Variants in DLGAP2 observed in about 807,000 individuals in gnomAD.
DLGAP2 encodes the protein disks large-associated protein 2.
A neutral mutation model predicts 100.3 loss-of-function variants in DLGAP2; 26 were observed. That is an observed-to-expected ratio of 0.26 (90% CI 0.19 to 0.36). The LOEUF (loss-of-function observed/expected upper bound fraction) is 0.36, where lower values mean the gene tolerates loss of function less well. Ranked by LOEUF, DLGAP2 falls within the 10% of genes least tolerant of loss-of-function variation. DLGAP2 has a pLI of 1.00. For missense variants in DLGAP2, 1,858 were observed against 1,453.2 expected (o/e 1.28, Z -4.53); for synonymous variants, 886 against 630.1 (o/e 1.41, Z -6.08).
At chr8:780,495 G>T (rs1488547192) in intron 1 of DLGAP2, among the ~76,000 whole-genome samples, 1 of 152,140 alleles carries the variant, frequency 6.6e-6, no homozygotes, top group Non-Finnish European at 1.5e-5. Flanking sequence ...CCCAGAAGTG[G>T]GATTGCTGGG....
chr8:772,561 G>A (rs1821392542), intron 1 of DLGAP2, among the ~76,000 whole-genome samples: 1 of 152,140 alleles, frequency 6.6e-6, no homozygotes. Flanking sequence ...CGCCTCAGGT[G>A]GTCTGCCTGC....
chr8:1,065,302 G>A (rs1803211728), intron 2 of DLGAP2, among the ~76,000 whole-genome samples: 1 of 152,178 alleles, frequency 6.6e-6, no homozygotes, highest in African/African-American at 2.4e-5. Flanking sequence ...GATAACAACT[G>A]GCAGTAAAAT....
intron 6 of DLGAP2, among the ~76,000 whole-genome samples, chr8:1,594,777 A>G (rs1049113662): frequency 5.3e-5 from 8 of 152,112 alleles, no homozygotes; most frequent in African/African-American, 9.7e-5. Flanking sequence ...TGCCAAAAAT[A>G]TAGTTTTTTT....
chr8:1,358,855 G>T (rs1278816753), intron 3 of DLGAP2, among the ~76,000 whole-genome samples: 1 of 150,778 alleles, frequency 6.6e-6, no homozygotes, highest in Non-Finnish European at 1.5e-5. Context: ...CCCTGCGGCA[G>T]GGCGTGGGCT....
At chr8:822,303 G>C in intron 1 of DLGAP2, 2 of 398,898 alleles carry the variant, frequency 5.0e-6, no homozygotes, top group Non-Finnish European at 8.8e-6. Flanking sequence ...AGGGGCACAG[G>C]GGTGACGGGG....
chr8:1,576,799 G>T (rs897206121), intron 6 of DLGAP2, among the ~76,000 whole-genome samples: 2 of 152,030 alleles, frequency 1.3e-5, no homozygotes, highest in Non-Finnish European at 1.5e-5. Flanking sequence ...ATTTCTGAGG[G>T]CTCTGTTCTG....
intron 5 of DLGAP2, among the ~76,000 whole-genome samples, chr8:1,551,547 G>T (rs554040008): frequency 6.6e-6 from 1 of 152,222 alleles, no homozygotes; most frequent in East Asian, 1.9e-4. Flanking sequence ...CCAGGAACAC[G>T]CTTCTCTCTG....
chr8:1,516,345 G>A (rs1800380026), intron 4 of DLGAP2, among the ~76,000 whole-genome samples: 1 of 152,154 alleles, frequency 6.6e-6, no homozygotes, highest in African/African-American at 2.4e-5. Context: ...ATGAATGAGT[G>A]AGTGAATAAG....
At chr8:1,698,115 T>C (rs1799450887) in intron 14 of DLGAP2, among the ~76,000 whole-genome samples, 1 of 152,186 alleles carries the variant, frequency 6.6e-6, no homozygotes, top group Non-Finnish European at 1.5e-5. Flanking sequence ...GATCTAGTGG[T>C]CATCATCATC....
chr8:1,683,862 G>A (rs1345560082), intron 12 of DLGAP2, among the ~76,000 whole-genome samples: 4,754 of 51,722 alleles, frequency 0.092, 240 homozygotes, highest in African/African-American at 0.2. Flanking sequence ...ATATATGTGT[G>A]TGTGTGTGTG....
chr8:1,477,184 G>A (rs112221863), intron 3 of DLGAP2, among the ~76,000 whole-genome samples: 2,891 of 151,734 alleles, frequency 0.019, 98 homozygotes, highest in African/African-American at 0.065. Context: ...AGGAAGTTGC[G>A]GGGGTGGATG....
At chr8:1,314,574 C>T (rs1401711598) in intron 3 of DLGAP2, among the ~76,000 whole-genome samples, 1 of 152,210 alleles carries the variant, frequency 6.6e-6, no homozygotes, top group African/African-American at 2.4e-5. Context: ...CCCAGCATCA[C>T]TCCTGTGTCA....
At chr8:1,653,546 G>A (rs1317126323) in intron 8 of DLGAP2, among the ~76,000 whole-genome samples, 1 of 152,228 alleles carries the variant, frequency 6.6e-6, no homozygotes, top group South Asian at 2.1e-4. Context: ...TCAGTGCAAG[G>A]AGCCCTGATT....
intron 2 of DLGAP2, among the ~76,000 whole-genome samples, chr8:1,129,328 G>A (rs1272245945): frequency 6.6e-6 from 1 of 151,658 alleles, no homozygotes; most frequent in African/African-American, 2.4e-5. Flanking sequence ...GTTTGGACCC[G>A]GGAGGCAGAG....
intron 2 of DLGAP2, among the ~76,000 whole-genome samples, chr8:1,181,836 C>A (rs1217856295): frequency 6.6e-6 from 1 of 152,182 alleles, no homozygotes; most frequent in African/African-American, 2.4e-5. Context: ...GTGACAGGTA[C>A]CACCTTCCTC....
intron 2 of DLGAP2, among the ~76,000 whole-genome samples, chr8:924,488 G>A (rs1384553093): frequency 1.3e-5 from 2 of 152,110 alleles, no homozygotes; most frequent in African/African-American, 2.4e-5. Flanking sequence ...GTTTAGTGCT[G>A]GCCTTGCCGA....
chr8:1,413,305 T>C (rs1175706800), intron 3 of DLGAP2, among the ~76,000 whole-genome samples: 1 of 152,162 alleles, frequency 6.6e-6, no homozygotes, highest in African/African-American at 2.4e-5. Flanking sequence ...GCAGAATGAA[T>C]AAATGGATAG....
At chr8:1,249,161 T>G (rs898166889) in intron 2 of DLGAP2, among the ~76,000 whole-genome samples, 1 of 152,156 alleles carries the variant, frequency 6.6e-6, no homozygotes, top group Non-Finnish European at 1.5e-5. Flanking sequence ...TGCTCTACCC[T>G]TGCCTGCTTT....
At chr8:1,192,802 C>T (rs1220781825) in intron 2 of DLGAP2, among the ~76,000 whole-genome samples, 1 of 151,756 alleles carries the variant, frequency 6.6e-6, no homozygotes, top group Non-Finnish European at 1.5e-5. Context: ...AGGTATATCT[C>T]CTAAAGCTAT....
Sources: gnomAD v4.1 joint callset for allele counts (sites outside exome capture counted in the v4.1 genomes callset) on GRCh38, gnomAD v4.1.1 for gene constraint, MANE v1.5 for transcripts, NCBI Gene and HGNC (gene_info 2026-07-23, HGNC 2026-07-21) for gene names.